Variants in PDE4B observed in about 807,000 individuals in gnomAD.
PDE4B encodes 3',5'-cyclic-AMP phosphodiesterase 4B.
Under a neutral mutation model 82.2 loss-of-function variants are expected in PDE4B, and 20 were observed. That is an observed-to-expected ratio of 0.24 (90% CI 0.17 to 0.35). The LOEUF is 0.35. PDE4B is among the 10% of genes least tolerant of loss of function. PDE4B has a pLI of 1.00. For synonymous variants in PDE4B, 320 were observed against 318.9 expected (o/e 1.00, Z -0.04); for missense variants, 655 against 907.2 (o/e 0.72, Z 3.57).
chr1:65,879,839 G>A (rs539076308), intron 1 of PDE4B, among the ~76,000 whole-genome samples: 2 of 152,300 alleles, frequency 1.3e-5, no homozygotes, highest in East Asian at 1.9e-4. Flanking sequence ...CCAGATTTCT[G>A]AAGATTGGTT....
chr1:66,178,465 C>T (rs993795381), intron 3 of PDE4B, among the ~76,000 whole-genome samples: 2 of 152,056 alleles, frequency 1.3e-5, no homozygotes, highest in Non-Finnish European at 2.9e-5. Flanking sequence ...TTACTGATTT[C>T]TTGATTGCTA....
intron 3 of PDE4B, among the ~76,000 whole-genome samples, chr1:66,193,358 C>G (rs1647991303): frequency 2.0e-5 from 3 of 152,154 alleles, no homozygotes; most frequent in Admixed American, 2.0e-4. Flanking sequence ...CCTGAAACAT[C>G]CTAGGCTATT....
chr1:65,843,702 A>G (rs1646235263), intron 1 of PDE4B, among the ~76,000 whole-genome samples: 2 of 152,092 alleles, frequency 1.3e-5, no homozygotes, highest in Admixed American at 6.6e-5. Flanking sequence ...GTCTGCTTTT[A>G]TCTTACATTT....
chr1:66,366,729 T>C (rs1224517724), intron 13 of PDE4B, among the ~76,000 whole-genome samples: 1 of 152,206 alleles, frequency 6.6e-6, no homozygotes, highest in Non-Finnish European at 1.5e-5. Flanking sequence ...ATGAATCATA[T>C]ATAGGCCAGT....
intron 3 of PDE4B, among the ~76,000 whole-genome samples, chr1:66,000,808 C>T (rs1185715234): frequency 1.3e-5 from 2 of 152,158 alleles, no homozygotes; most frequent in Non-Finnish European, 2.9e-5. Flanking sequence ...GATTGGAAGT[C>T]AGGGGATGGA....
intron 3 of PDE4B, among the ~76,000 whole-genome samples, chr1:66,031,931 C>T (rs1426352258): frequency 6.6e-6 from 1 of 152,052 alleles, no homozygotes; most frequent in Non-Finnish European, 1.5e-5. Context: ...CTCCGGTGAC[C>T]CCAGAGGTAG....
chr1:66,031,802 A>AT (rs34675365), intron 3 of PDE4B, among the ~76,000 whole-genome samples: 204 of 131,940 alleles, frequency 1.5e-3, no homozygotes, highest in Admixed American at 2.4e-3. Context: ...CAATAGAAAT[A>AT]TTTTTTTTCT....
intron 3 of PDE4B, among the ~76,000 whole-genome samples, chr1:66,051,289 G>T (rs1655013110): frequency 1.3e-5 from 2 of 152,020 alleles, no homozygotes; most frequent in Non-Finnish European, 2.9e-5. Flanking sequence ...AAATGTGTTT[G>T]AATAATGAGT....
intron 7 of PDE4B, among the ~76,000 whole-genome samples, chr1:66,296,149 C>A (rs1327539959): frequency 1.3e-5 from 2 of 152,152 alleles, no homozygotes; most frequent in African/African-American, 4.8e-5. Context: ...CCTTATCATG[C>A]TGTGTTATGA....
chr1:66,135,333 T>C (rs1646034929), intron 3 of PDE4B, among the ~76,000 whole-genome samples: 1 of 152,222 alleles, frequency 6.6e-6, no homozygotes, highest in South Asian at 2.1e-4. Flanking sequence ...TTTTTATAGA[T>C]AACCCTAATG....
intron 1 of PDE4B, among the ~76,000 whole-genome samples, chr1:65,879,525 A>G (rs1315840171): frequency 6.6e-6 from 1 of 152,170 alleles, no homozygotes; most frequent in East Asian, 1.9e-4. Context: ...ATGAGAAGAG[A>G]TTTAATTTGG....
At chr1:66,276,699 G>T (rs1655902386) in intron 7 of PDE4B, among the ~76,000 whole-genome samples, 1 of 152,180 alleles carries the variant, frequency 6.6e-6, no homozygotes, top group African/African-American at 2.4e-5. Context: ...CACTGTGTTA[G>T]CCACTGAGGA....
chr1:66,051,884 C>T (rs1655047601), intron 3 of PDE4B, among the ~76,000 whole-genome samples: 1 of 152,090 alleles, frequency 6.6e-6, no homozygotes, highest in Non-Finnish European at 1.5e-5. Context: ...GAAACACTTC[C>T]CAGCTCCTGC....
At chr1:65,931,154 C>T (rs1647811005) in intron 3 of PDE4B, among the ~76,000 whole-genome samples, 1 of 152,290 alleles carries the variant, frequency 6.6e-6, no homozygotes, top group Non-Finnish European at 1.5e-5. Flanking sequence ...TCCTGCTCCA[C>T]CCATGTAAGA....
chr1:65,849,547 A>C (rs1187259128), intron 1 of PDE4B, among the ~76,000 whole-genome samples: 5 of 152,078 alleles, frequency 3.3e-5, no homozygotes, highest in African/African-American at 1.2e-4. Flanking sequence ...CATTCAAGGG[A>C]ATGTGTTTAA....
intron 3 of PDE4B, among the ~76,000 whole-genome samples, chr1:66,058,426 G>A (rs1655415561): frequency 6.6e-6 from 1 of 152,252 alleles, no homozygotes. Flanking sequence ...CAGTGCCCCA[G>A]TAGGGACTCT....
chr1:66,063,328 A>T (rs1449335141), intron 3 of PDE4B, among the ~76,000 whole-genome samples: 1 of 151,980 alleles, frequency 6.6e-6, no homozygotes, highest in African/African-American at 2.4e-5. Context: ...GAAGAGTAAA[A>T]AATAATTACC....
intron 3 of PDE4B, among the ~76,000 whole-genome samples, chr1:65,972,751 A>G (rs1650210549): frequency 6.6e-6 from 1 of 152,076 alleles, no homozygotes; most frequent in Non-Finnish European, 1.5e-5. Flanking sequence ...ATTATTTTCA[A>G]TTTTTTCCTT....
chr1:66,265,762 A>G (rs1386994712), intron 6 of PDE4B, among the ~76,000 whole-genome samples: 5 of 152,194 alleles, frequency 3.3e-5, no homozygotes, highest in Non-Finnish European at 7.4e-5. Flanking sequence ...AACTTAAAAC[A>G]GGGGGCTGGT....
Sources: gnomAD v4.1 joint callset for allele counts (sites outside exome capture counted in the v4.1 genomes callset) on GRCh38, gnomAD v4.1.1 for gene constraint, MANE v1.5 for transcripts, NCBI Gene and HGNC (gene_info 2026-07-23, HGNC 2026-07-21) for gene names.